The following ATG10 variants were observed in gnomAD, a reference collection of about 807,000 sequenced individuals.
The protein encoded by ATG10 is autophagy related 10, also known as ubiquitin-like-conjugating enzyme ATG10.
Under a neutral mutation model 32.1 loss-of-function variants are expected in ATG10, and 30 were observed. The observed-to-expected ratio is 0.94, with a 90% CI of 0.70 to 1.27. ATG10 has a LOEUF of 1.27. Ranked by LOEUF, ATG10 falls within the 50% of genes most tolerant of loss-of-function variation. ATG10 has a pLI of 0.00. For synonymous variants in ATG10, 87 were observed against 91.5 expected (o/e 0.95, Z 0.28); for missense variants, 233 against 262.3 (o/e 0.89, Z 0.77).
chr5:81,989,346 A>G (rs1728739326), intron 2 of ATG10, among the ~76,000 whole-genome samples: 1 of 152,206 alleles, frequency 6.6e-6, no homozygotes, highest in African/African-American at 2.4e-5. Context: ...GATCAGGTCC[A>G]GAGTGTCACT....
chr5:82,037,473 T>C (rs1467294048), intron 2 of ATG10, among the ~76,000 whole-genome samples: 1 of 150,698 alleles, frequency 6.6e-6, no homozygotes, highest in East Asian at 2.0e-4. Flanking sequence ...GGTCTCGATC[T>C]CCTGACCTCG....
chr5:82,183,483 T>C (rs548827573), intron 5 of ATG10, among the ~76,000 whole-genome samples: 27 of 152,282 alleles, frequency 1.8e-4, no homozygotes, highest in Admixed American at 4.6e-4. Context: ...TGAGGCTTGA[T>C]CAAATTCAGG....
At chr5:82,229,305 A>G (rs1317946347) in intron 5 of ATG10, among the ~76,000 whole-genome samples, 1 of 152,206 alleles carries the variant, frequency 6.6e-6, no homozygotes, top group Non-Finnish European at 1.5e-5. Context: ...TGAGCCTCTT[A>G]GGAGGAACAT....
chr5:82,253,665 G>A (rs1205318826), intron 7 of ATG10, among the ~76,000 whole-genome samples: 1 of 152,178 alleles, frequency 6.6e-6, no homozygotes, highest in African/African-American at 2.4e-5. Context: ...AGCTGGGTGG[G>A]CAAGCAAGCG....
chr5:82,068,266 G>A (rs1174752271), intron 3 of ATG10, among the ~76,000 whole-genome samples: 1 of 152,100 alleles, frequency 6.6e-6, no homozygotes, highest in Non-Finnish European at 1.5e-5. Context: ...GACGAAGCTG[G>A]AAACCATCAT....
chr5:82,022,601 G>A (rs1246471018), intron 2 of ATG10, among the ~76,000 whole-genome samples: 1 of 150,008 alleles, frequency 6.7e-6, no homozygotes, highest in African/African-American at 2.4e-5. Flanking sequence ...GGGATTACAG[G>A]TGTGAATCAC....
chr5:82,039,263 A>G (rs945625077), intron 2 of ATG10, among the ~76,000 whole-genome samples: 1 of 152,228 alleles, frequency 6.6e-6, no homozygotes. Context: ...TAGATTAGCA[A>G]TATCATTCAT....
chr5:82,200,463 C>CTTTTTTTTTTTTTT (rs764388608), intron 5 of ATG10, among the ~76,000 whole-genome samples: 1 of 52,498 alleles, frequency 1.9e-5, no homozygotes, highest in Non-Finnish European at 3.6e-5. Context: ...TCCCTAACTT[C>CTTTTTTTTTTTTTT]TTTTTTTTTT....
intron 3 of ATG10, among the ~76,000 whole-genome samples, chr5:82,083,748 C>T (rs1056942183): frequency 3.9e-5 from 6 of 152,220 alleles, no homozygotes; most frequent in Admixed American, 3.3e-4. Flanking sequence ...TCCAACAGAC[C>T]TGCAGTTGAG....
At chr5:82,019,314 A>AT (rs886793409) in intron 2 of ATG10, among the ~76,000 whole-genome samples, 2 of 152,070 alleles carry the variant, frequency 1.3e-5, no homozygotes, top group African/African-American at 2.4e-5. Context: ...GTAAAAATGG[A>AT]TTTTTTTCTA....
intron 2 of ATG10, among the ~76,000 whole-genome samples, chr5:82,008,603 G>A (rs1762044397): frequency 6.6e-6 from 1 of 152,154 alleles, no homozygotes; most frequent in Non-Finnish European, 1.5e-5. Context: ...TAGTAATTGT[G>A]CAAGTTTAAC....
chr5:82,192,940 A>G (rs994613252), intron 5 of ATG10, among the ~76,000 whole-genome samples: 2 of 152,204 alleles, frequency 1.3e-5, no homozygotes, highest in Non-Finnish European at 2.9e-5. Flanking sequence ...GAAGACTTAA[A>G]AAACTGAATT....
chr5:82,164,732 C>G (rs1007579827), intron 4 of ATG10, among the ~76,000 whole-genome samples, 195 bp downstream of exon 4: 1 of 152,214 alleles, frequency 6.6e-6, no homozygotes, highest in Non-Finnish European at 1.5e-5. Flanking sequence ...ATGATATCAT[C>G]TCAGCCTTAA....
At position 81,982,390 on chromosome 5, in the gene ATG10, C is replaced by T. The variant is rs190005536; in HGVS notation, c.-12-5169C>T. ...CTGAGTCAGGAGAATCGCTTGAACT[C>T]GGGAGGTGGAGGTTGTAGTGAACCG... On this transcript the variant is annotated intron_variant, in intron 1 of 7. Coordinates refer to ENST00000282185, the MANE Select transcript of ATG10 (RefSeq NM_031482.5). Among the ~76,000 whole-genome samples, 796 of 152,194 alleles carry T rather than the reference C, an allele frequency of 5.2e-3. 5 individuals carry two copies. Among genetic ancestry groups the T allele is most frequent in the African/African-American group, 0.015 (643 of 41,514 alleles).
At position 82,164,530 on chromosome 5, in the gene ATG10, C is replaced by T. The variant is rs774401580; in HGVS notation, c.348C>T (p.Ser116=). The T allele has an allele frequency of 6.2e-7, 1 of 1,610,520 alleles. No homozygotes were observed. Among genetic ancestry groups the T allele is most frequent in the Admixed American group, 1.7e-5 (1 of 59,482 alleles). ...YQVPVLYFRA[S]FLDGRPLTLK... is the part of the protein sequence containing the mutation. Reference sequence around the variant, plus strand: ...TGCCTGTACTTTACTTTAGGGCAAGCTTTTTAGGTAAGAACATGTCTGAAG... The same window carrying T: ...TGCCTGTACTTTACTTTAGGGCAAGTTTTTTAGGTAAGAACATGTCTGAAG... Residue 116 remains serine, a synonymous_variant, in exon 4 of 8, where the codon AGC becomes AGT. Transcript: ENST00000282185.
intron 3 of ATG10, among the ~76,000 whole-genome samples, chr5:82,137,314 C>T (rs928890056): frequency 9.2e-5 from 14 of 152,144 alleles, no homozygotes; most frequent in African/African-American, 2.4e-4. Context: ...GAATTTTTAG[C>T]CTTTTTGTAC....
rs774401580 is a variant in ATG10 at position 82,164,530 on chromosome 5, C to A, written c.348C>A (p.Ser116Arg). The part of the protein sequence containing the change: ...YQVPVLYFRA[S>R]FLDGRPLTLK... ...TGCCTGTACTTTACTTTAGGGCAAG[C>A]TTTTTAGGTAAGAACATGTCTGAAG... The change falls in exon 4 of 8, where the codon AGC becomes AGA. Residue 116 changes from serine (S) to arginine (R), a missense_variant. By Grantham distance (110) the Ser-to-Arg change is moderately radical (BLOSUM62 -1). Transcript: ENST00000282185. 2 of 1,610,400 alleles carry A rather than the reference C, an allele frequency of 1.2e-6. No individual in the cohort carries two copies. Among genetic ancestry groups the A allele is most frequent in the African/African-American group, 2.7e-5 (2 of 74,750 alleles).
At chr5:82,202,013 G>T (rs1253065945) in intron 5 of ATG10, among the ~76,000 whole-genome samples, 1 of 152,152 alleles carries the variant, frequency 6.6e-6, no homozygotes, top group Non-Finnish European at 1.5e-5. Context: ...TCACTTAGTA[G>T]TTCTAGGAGC....
intron 3 of ATG10, among the ~76,000 whole-genome samples, chr5:82,107,124 T>TAC (rs776821856): frequency 6.6e-6 from 1 of 152,026 alleles, no homozygotes; most frequent in Non-Finnish European, 1.5e-5. Context: ...ATTTTAAAAA[T>TAC]ATATATATAG....
Sources: gnomAD v4.1 joint callset for allele counts (sites outside exome capture counted in the v4.1 genomes callset) on GRCh38, gnomAD v4.1.1 for gene constraint, MANE v1.5 for transcripts, NCBI Gene and HGNC (gene_info 2026-07-23, HGNC 2026-07-21) for gene names.